Variants in IL12RB2 observed in about 807,000 individuals in gnomAD.
IL12RB2 encodes interleukin 12 receptor subunit beta 2.
IL12RB2 carries 82 observed loss-of-function variants against 89.4 expected under a neutral mutation model. That is an observed-to-expected ratio of 0.92 (90% CI 0.77 to 1.10). The LOEUF (loss-of-function observed/expected upper bound fraction) is 1.10. Among genes scored for constraint, IL12RB2 ranks in the 50% least tolerant of loss-of-function variants. The pLI is 0.00. For synonymous variants in IL12RB2, 368 were observed against 370.1 expected, an observed-to-expected ratio of 0.99 and a Z score of 0.07; for missense variants, 963 against 1,031.9, an observed-to-expected ratio of 0.93 and a Z score of 0.92.
At chr1:67,376,079 C>T (rs1663953960) in intron 13 of IL12RB2, among the ~76,000 whole-genome samples, 2 of 152,038 alleles carry the variant, frequency 1.3e-5, no homozygotes, top group Admixed American at 1.3e-4. Flanking sequence ...ATCTCCTGAC[C>T]TCGTGATCTG....
chr1:67,331,865 GC>G, intron 8 of IL12RB2, among the ~76,000 whole-genome samples: 1 of 150,924 alleles, frequency 6.6e-6, no homozygotes, highest in Non-Finnish European at 1.5e-5. Context: ...ATAAATAAAT[GC>G]ACTCATTTAG....
intron 14 of IL12RB2, among the ~76,000 whole-genome samples, chr1:67,381,658 C>T (rs1346175798): frequency 6.6e-6 from 1 of 151,064 alleles, no homozygotes; most frequent in Non-Finnish European, 1.5e-5. Flanking sequence ...CCTGGCTACT[C>T]GGGAGGCTGA....
chr1:67,326,007 T>TAGCA (rs1234054881), intron 4 of IL12RB2, among the ~76,000 whole-genome samples: 1 of 152,194 alleles, frequency 6.6e-6, no homozygotes, highest in Non-Finnish European at 1.5e-5. Flanking sequence ...TTTCCACATC[T>TAGCA]AGCACTGTGC....
chr1:67,309,317 A>C (rs1005425266), intron 1 of IL12RB2, among the ~76,000 whole-genome samples: 3 of 152,196 alleles, frequency 2.0e-5, no homozygotes, highest in African/African-American at 7.2e-5. Flanking sequence ...TTAGAGAGTT[A>C]CAGGTTTCTG....
chr1:67,341,553 A>AAAAAAG (rs1558318148), intron 9 of IL12RB2, among the ~76,000 whole-genome samples: 2 of 125,392 alleles, frequency 1.6e-5, no homozygotes, highest in Non-Finnish European at 3.5e-5. Flanking sequence ...GAAAGAAAGA[A>AAAAAAG]AGAAAGAAAG....
In IL12RB2 at chr1:67,308,991, A is replaced by G. The variant is rs139402237; in HGVS notation, c.-125+1024A>G. Among the ~76,000 whole-genome samples, 1,078 of 151,998 alleles carry G rather than the reference A, an allele frequency of 7.1e-3. 7 individuals carry two copies. The highest frequency in any genetic ancestry group is 0.021 in the African/African-American group (889 of 41,438). On this transcript the variant is annotated intron_variant, in intron 1 of 16. Coordinates refer to ENST00000674203, the MANE Select transcript of IL12RB2 (RefSeq NM_001374259.2). ...GCCAAGATGGGGCCACTGCACTCCA[A>G]CCTGGGCAACAGAGCGAGACTCTGT...
At position 67,318,295 on chromosome 1, in the gene IL12RB2, T is replaced by C. The variant is rs563424527; in HGVS notation, c.-36-2038T>C. On this transcript the variant is annotated intron_variant, in intron 2 of 16. Coordinates refer to ENST00000674203, the MANE Select transcript of IL12RB2 (RefSeq NM_001374259.2). ...GTGTGTGGTATGGGCTGTGGATATT[T>C]TTCTAACAGCAGTAGGGACCCGTTG... is the stretch of plus-strand genomic sequence containing the variant. Among the ~76,000 whole-genome samples the C allele has an allele frequency of 3.9e-4, 59 of 152,260 alleles. 1 individual carries two copies. The highest frequency in any genetic ancestry group is 1.3e-3 in the African/African-American group (55 of 41,556).
chr1:67,340,200 A>C (rs1178721409), intron 9 of IL12RB2, among the ~76,000 whole-genome samples: 1 of 152,220 alleles, frequency 6.6e-6, no homozygotes, highest in African/African-American at 2.4e-5. Context: ...TACTATAAAT[A>C]GCCTGGTGAA....
intron 14 of IL12RB2, among the ~76,000 whole-genome samples, chr1:67,381,232 AAATTT>A (rs1664534418): frequency 6.6e-6 from 1 of 152,328 alleles, no homozygotes; most frequent in Middle Eastern, 3.4e-3. Flanking sequence ...TGCTTAAATT[AAATTT>A]GAGTCTGATG....
chr1:67,310,404 G>A (rs757651634), intron 1 of IL12RB2, among the ~76,000 whole-genome samples: 89 of 152,096 alleles, frequency 5.9e-4, no homozygotes, highest in Admixed American at 7.2e-4. Context: ...CATGACCTAC[G>A]AAGTCAAAAT....
At chr1:67,329,803 T>A in intron 7 of IL12RB2, 74 bp downstream of exon 7, 1 of 1,027,100 alleles carries the variant, frequency 9.7e-7, no homozygotes, top group Non-Finnish European at 1.5e-6. Flanking sequence ...TGTCTTTTCA[T>A]ACAGCAAAAA....
Position 67,396,168 on chromosome 1 carries a change from G to A in IL12RB2, c.*79G>A. On this transcript the variant is annotated 3_prime_UTR_variant, in exon 17 of 17. Coordinates refer to ENST00000674203, the MANE Select transcript of IL12RB2 (RefSeq NM_001374259.2). Reference sequence around the variant, plus strand: ...CCCAATTCCCCCAGCCCCTGCTCCAGCAGCTGTCATCTCTGGGTGCCACCA... The same window carrying A: ...CCCAATTCCCCCAGCCCCTGCTCCAACAGCTGTCATCTCTGGGTGCCACCA... 1 of 893,686 alleles carries A rather than the reference G, an allele frequency of 1.1e-6. No individual in the cohort carries two copies. The highest frequency in any genetic ancestry group is 1.9e-6 in the Non-Finnish European group (1 of 533,836). 55.4% of individuals were successfully genotyped at this position (893,686 alleles called of 1,614,324 possible). A position where few individuals can be genotyped will look rare whatever the true frequency, so the allele number is the denominator to read the frequency against.
intron 2 of IL12RB2, among the ~76,000 whole-genome samples, chr1:67,319,248 A>G (rs970257119): frequency 3.3e-5 from 5 of 152,212 alleles, no homozygotes; most frequent in Admixed American, 6.5e-5. Flanking sequence ...AGAACTTCCC[A>G]GCCTACTTTA....
At chr1:67,381,969 G>C (rs1042708006) in intron 14 of IL12RB2, among the ~76,000 whole-genome samples, 2 of 152,056 alleles carry the variant, frequency 1.3e-5, no homozygotes, top group African/African-American at 4.8e-5. Context: ...CTGGGTGACA[G>C]AGCGAGACTC....
intron 10 of IL12RB2, among the ~76,000 whole-genome samples, chr1:67,365,857 A>G (rs1027428509): frequency 6.6e-6 from 1 of 152,176 alleles, no homozygotes; most frequent in African/African-American, 2.4e-5. Flanking sequence ...GGGTCATCTT[A>G]AGGGGCCATA....
intron 13 of IL12RB2, among the ~76,000 whole-genome samples, chr1:67,374,639 C>T (rs1189850482): frequency 3.3e-5 from 5 of 151,996 alleles, no homozygotes; most frequent in Non-Finnish European, 5.9e-5. Context: ...CCATGCCCTG[C>T]TAATTTTTGT....
At position 67,380,055 on chromosome 1, in the gene IL12RB2, T is replaced by C; in HGVS notation, c.1787T>C (p.Leu596Pro). 1 of 1,613,896 alleles carries C rather than the reference T, an allele frequency of 6.2e-7. No homozygotes were observed. Among genetic ancestry groups the C allele is most frequent in the Non-Finnish European group, 8.5e-7 (1 of 1,179,746 alleles). ...CTGCAGCCCCGAGTGACATATGTCC[T>C]GTGGATGACAGCTCTGACAGCTGCT... Reference protein sequence around the residue: ...NSLQPRVTYVLWMTALTAAGE... With the variant: ...NSLQPRVTYVPWMTALTAAGE... Residue 596 changes from leucine (L) to proline (P), a missense_variant, in exon 14 of 17, where the codon CTG becomes CCG. Physicochemically the swap from Leu to Pro is moderately conservative, Grantham distance 98. Coordinates refer to ENST00000674203, the MANE Select transcript of IL12RB2 (RefSeq NM_001374259.2).
rs1553310358 is a variant in IL12RB2 at position 67,326,943 on chromosome 1, T to TTTATTTATTTATTTA, written c.479+96_479+97insATTTATTTATTTATT. The TTTATTTATTTATTTA allele has an allele frequency of 2.4e-5, 17 of 696,800 alleles. No individual in the cohort carries two copies. In the African/African-American group the frequency reaches 3.2e-4, roughly 13 times the overall value. The allele number at this position is 696,800 out of a possible 1,614,324, so 43.2% of individuals were successfully genotyped here. A position where few individuals can be genotyped will look rare whatever the true frequency, so the allele number is the denominator to read the frequency against. ...GTTTTCTTTATTTATTTTTATTTTA[T>TTTATTTATTTATTTA]TTTATTTATTTATTTATTTATTTAT... On this transcript the variant is annotated intron_variant, in intron 5 of 16. Coordinates refer to ENST00000674203, the MANE Select transcript of IL12RB2 (RefSeq NM_001374259.2).
Position 67,396,938 on chromosome 1 carries a change from C to T in IL12RB2, c.*849C>T, listed in dbSNP as rs531862930. The T allele has an allele frequency of 1.2e-4, 18 of 152,204 alleles. No individual in the cohort carries two copies. Among genetic ancestry groups the T allele is most frequent in the African/African-American group, 3.9e-4 (16 of 41,506 alleles). The allele number at this position is 152,204 out of a possible 1,614,324, so 9.4% of individuals were successfully genotyped here. A position where few individuals can be genotyped will look rare whatever the true frequency, so the allele number is the denominator to read the frequency against. On this transcript the variant is annotated 3_prime_UTR_variant, in exon 17 of 17. Coordinates refer to ENST00000674203, the MANE Select transcript of IL12RB2 (RefSeq NM_001374259.2). ...ATGAGGTCAGGAGATCGAGACCATT[C>T]TGGCTAACATGGTGAAACCCCATCT...
Sources: gnomAD v4.1 joint callset for allele counts (sites outside exome capture counted in the v4.1 genomes callset) on GRCh38, gnomAD v4.1.1 for gene constraint, MANE v1.5 for transcripts, NCBI Gene and HGNC (gene_info 2026-07-23, HGNC 2026-07-21) for gene names.